TOP2B: variants seen among roughly 807,000 people sequenced by gnomAD.
TOP2B encodes the protein DNA topoisomerase 2-beta.
A neutral mutation model predicts 193.5 loss-of-function variants in TOP2B; 51 were observed. That is an observed-to-expected ratio of 0.26 (90% CI 0.21 to 0.33). TOP2B has a LOEUF of 0.33. TOP2B is among the 10% of genes least tolerant of loss of function. The pLI, the probability that TOP2B is intolerant of heterozygous loss-of-function variation, is 1.00. For missense variants in TOP2B, 1,378 were observed against 1,909.3 expected (o/e 0.72, Z 5.19); for synonymous variants, 634 against 635.7 (o/e 1.00, Z 0.04).
At chr3:25,606,920 G>A (rs1157909064) in intron 31 of TOP2B, among the ~76,000 whole-genome samples, 1 of 152,152 alleles carries the variant, frequency 6.6e-6, no homozygotes, top group East Asian at 1.9e-4. Context: ...TTAAGTAGTT[G>A]TGATAGAAAC....
Position 25,598,333 on chromosome 3 carries a change from C to G in TOP2B, c.4855G>C (p.Asp1619His). 1 of 1,609,718 alleles carries G rather than the reference C, an allele frequency of 6.2e-7. No individual in the cohort carries two copies. Among genetic ancestry groups the G allele is most frequent in the South Asian group, 1.1e-5 (1 of 89,942 alleles). Residue 1619 changes from aspartate to histidine, a missense_variant, in exon 36 of 36, where the codon GAT (aspartate) becomes CAT (histidine). By Grantham distance (81) the Asp-to-His change is moderately conservative. Around this residue, in one of 9 missense-constraint regions of TOP2B, gnomAD observed 556 missense variants for 584.2 expected, o/e 0.95. Transcript: ENST00000264331. ...YFAESDEEEDDVDFAMFN is the reference protein window; with the variant it reads ...YFAESDEEEDHVDFAMFN ...TAATTAAACATTGCAAAATCAACAT[C>G]ATCTTCTTCTTCATCAGACTCTGCA...
At chr3:25,620,185 T>G in intron 22 of TOP2B, 123 bp from the exon 23 acceptor site, 1 of 642,846 alleles carries the variant, frequency 1.6e-6, no homozygotes, top group Non-Finnish European at 2.6e-6. Flanking sequence ...CCTCAATCTC[T>G]ATCATCTCCT....
At chr3:25,639,528 G>C (rs919601138) in intron 4 of TOP2B, among the ~76,000 whole-genome samples, 3 of 152,136 alleles carry the variant, frequency 2.0e-5, no homozygotes, top group African/African-American at 7.2e-5. Context: ...GGCTGGTCTC[G>C]AACTCCTGAC....
rs1226917505 is a variant in TOP2B at position 25,643,800 on chromosome 3, C to A, written c.241-16G>T. 5 of 1,597,220 alleles carry A rather than the reference C, an allele frequency of 3.1e-6. No individual in the cohort carries two copies. The highest frequency in any genetic ancestry group is 1.7e-4 in the Middle Eastern group (1 of 6,008). On this transcript the variant is annotated splice_polypyrimidine_tract_variant and intron_variant, in intron 2 of 35. Transcript: ENST00000264331. ...CCCACATGAACTGCATTGAAAAATT[C>A]AAAAAAAATTTTACTCAATAAATCC...
rs765403902 is a variant in TOP2B at position 25,598,450 on chromosome 3, C to G, written c.4738G>C (p.Asp1580His). 12 of 1,599,156 alleles carry G rather than the reference C, an allele frequency of 7.5e-6. No individual in the cohort carries two copies. In the African/African-American group the frequency reaches 1.5e-4, roughly 20 times the overall value. The change falls in exon 36 of 36, where the codon GAT (aspartate) becomes CAT (histidine). Residue 1580 changes from aspartate to histidine, a missense_variant. By Grantham distance (81) the Asp-to-His change is moderately conservative (BLOSUM62 -1). Transcript: ENST00000264331. ...KKPKKTSFDQ[D>H]SDVDIFPSDF... ...GAGGGGAAGATGTCCACATCTGAAT[C>G]CTGATCAAAAGATGTCTTCTTCGGT...
intron 4 of TOP2B, among the ~76,000 whole-genome samples, chr3:25,641,875 T>A (rs532032814): frequency 7.9e-5 from 12 of 152,170 alleles, no homozygotes; most frequent in African/African-American, 2.6e-4. Flanking sequence ...AAAAAAATAA[T>A]AAAAATCACC....
chr3:25,652,342 G>C (rs1366301183), intron 1 of TOP2B, among the ~76,000 whole-genome samples: 1 of 152,166 alleles, frequency 6.6e-6, no homozygotes, highest in Non-Finnish European at 1.5e-5. Flanking sequence ...GACATACTCA[G>C]AACACTCCAA....
In TOP2B at chr3:25,612,686, T is replaced by C; in HGVS notation, c.3615A>G (p.Glu1205=). ...ELDKVESQER[E]DVLAGMSGKA... ...TTCCAGACATTCCAGCCAGAACATCTTCTCGTTCTTGAGATTCCACTTTCT... is the reference window on the plus strand; with the variant it reads ...TTCCAGACATTCCAGCCAGAACATCCTCTCGTTCTTGAGATTCCACTTTCT... Residue 1205 remains glutamate, a synonymous_variant, in exon 28 of 36, where the codon GAA becomes GAG. Transcript: ENST00000264331. The C allele has an allele frequency of 6.2e-7, 1 of 1,613,542 alleles. No individual in the cohort carries two copies. Among genetic ancestry groups the C allele is most frequent in the Non-Finnish European group, 8.5e-7 (1 of 1,179,680 alleles).
intron 21 of TOP2B, 24 bp downstream of exon 21, chr3:25,623,491 A>C: frequency 6.3e-7 from 1 of 1,589,006 alleles, no homozygotes; most frequent in Non-Finnish European, 8.6e-7. Context: ...TTTGTTAAAT[A>C]AATAATAAGT....
intron 1 of TOP2B, among the ~76,000 whole-genome samples, chr3:25,658,466 T>C (rs966525507): frequency 6.6e-6 from 1 of 151,936 alleles, no homozygotes; most frequent in African/African-American, 2.4e-5. Flanking sequence ...AATAAAAGTG[T>C]AAAATAATCA....
chr3:25,607,221 T>C lies in TOP2B; in HGVS notation c.4248A>G (p.Leu1416=). ...GTGAAAATGTATATTCATCTTTATC[T>C]AACCCATCTGAAGGAACAAATTCAT... ...GEDEFVPSDG[L]DKDEYTFSPG... The change falls in exon 31 of 36, where the codon TTA becomes TTG. Residue 1416 remains leucine (L), a synonymous_variant. Transcript: ENST00000264331. The C allele has an allele frequency of 6.2e-7, 1 of 1,611,496 alleles. No individual in the cohort carries two copies. The highest frequency in any genetic ancestry group is 1.3e-5 in the African/African-American group (1 of 75,020).
chr3:25,622,921 G>A (rs531860619), intron 21 of TOP2B, among the ~76,000 whole-genome samples: 4 of 152,216 alleles, frequency 2.6e-5, no homozygotes, highest in African/African-American at 9.6e-5. Flanking sequence ...GATTACAGGC[G>A]TGAGCCTGAG....
At chr3:25,656,245 T>C (rs987123677) in intron 1 of TOP2B, among the ~76,000 whole-genome samples, 2 of 152,174 alleles carry the variant, frequency 1.3e-5, no homozygotes, top group African/African-American at 4.8e-5. Flanking sequence ...ACATTATTTA[T>C]AGAATACAAT....
intron 30 of TOP2B, among the ~76,000 whole-genome samples, chr3:25,608,080 G>A (rs932415599): frequency 7.2e-5 from 11 of 152,050 alleles, no homozygotes; most frequent in Admixed American, 3.9e-4. Context: ...CCACTGTACC[G>A]ACACCTAAAC....
chr3:25,658,711 TA>T (rs746090329), intron 1 of TOP2B, among the ~76,000 whole-genome samples: 2 of 152,090 alleles, frequency 1.3e-5, no homozygotes, highest in East Asian at 1.9e-4. Flanking sequence ...TAATGCCTAA[TA>T]AAAAAACAGA....
intron 11 of TOP2B, 109 bp from the exon 12 acceptor site, chr3:25,630,578 A>C (rs754189345): frequency 7.2e-6 from 7 of 973,014 alleles, no homozygotes; most frequent in Non-Finnish European, 8.9e-6. Context: ...AAGACTATAA[A>C]AGTTATTTTA....
At chr3:25,609,740 C>G in intron 28 of TOP2B, 28 bp from the exon 29 acceptor site, 2 of 1,411,482 alleles carry the variant, frequency 1.4e-6, no homozygotes, top group Non-Finnish European at 1.8e-6. Flanking sequence ...AATCAAGCCA[C>G]GAGTAAAAAT....
chr3:25,629,357 T>C (rs986171241), intron 13 of TOP2B, among the ~76,000 whole-genome samples: 3 of 152,080 alleles, frequency 2.0e-5, no homozygotes, highest in African/African-American at 7.2e-5. Context: ...TATAAAAATA[T>C]ATTATCATTT....
chr3:25,616,620 G>A (rs1229994078), intron 25 of TOP2B, among the ~76,000 whole-genome samples: 2 of 151,850 alleles, frequency 1.3e-5, no homozygotes. Flanking sequence ...TGATTAATAA[G>A]TACCTAGATA....
Sources: allele counts gnomAD v4.1 joint callset (sites outside exome capture counted in the v4.1 genomes callset), GRCh38; gene constraint gnomAD v4.1.1; regional missense constraint gnomAD v4.1.1; transcripts MANE v1.5; gene names NCBI Gene and HGNC (gene_info 2026-07-23, HGNC 2026-07-21).